Variants in AP2S1 observed in about 807,000 individuals in gnomAD.
AP2S1 encodes AP-2 complex subunit sigma.
AP2S1 carries 6 observed loss-of-function variants against 21.0 expected under a neutral mutation model. That is an observed-to-expected ratio of 0.29 (90% CI 0.16 to 0.56). The LOEUF is 0.56. AP2S1 is among the 20% of genes least tolerant of loss of function. The pLI is 0.92. For missense variants in AP2S1, 60 were observed against 186.2 expected, an observed-to-expected ratio of 0.32 and a Z score of 3.95; for synonymous variants, 63 against 74.6, an observed-to-expected ratio of 0.84 and a Z score of 0.80.
intron 2 of AP2S1, 84 bp from the exon 3 acceptor site, chr19:46,839,662 C>A: frequency 6.3e-7 from 1 of 1,597,214 alleles, no homozygotes; most frequent in Non-Finnish European, 8.5e-7. Context: ...TTCACTCCTT[C>A]ACTCCATACG....
Position 46,850,775 on chromosome 19 carries a change from C to T in AP2S1, c.-9G>A. The T allele has an allele frequency of 6.3e-7, 1 of 1,580,038 alleles. No individual in the cohort carries two copies. The highest frequency in any genetic ancestry group is 8.6e-7 in the Non-Finnish European group (1 of 1,162,010). ...CGCTCCCCCGTTACCATGGCGACCC[C>T]CGTCCAGACCCCAGCGGCCCCGGTC... On this transcript the variant is annotated 5_prime_UTR_variant, in exon 1 of 5. Transcript: ENST00000263270.
chr19:46,850,187 CCT>C, intron 1 of AP2S1: 3 of 1,232,466 alleles, frequency 2.4e-6, no homozygotes, highest in Non-Finnish European at 3.0e-6. Flanking sequence ...AGTTTCATTC[CCT>C]ACAGTTGCCT....
chr19:46,845,227 T>C (rs1478681537), intron 2 of AP2S1, among the ~76,000 whole-genome samples: 2 of 150,392 alleles, frequency 1.3e-5, no homozygotes, highest in African/African-American at 2.5e-5. Flanking sequence ...GCCAACATGG[T>C]GAAACCTCGT....
Position 46,838,557 on chromosome 19 carries a change from G to A in AP2S1, c.328-9C>T, listed in dbSNP as rs772355914. 2 of 1,614,148 alleles carry A rather than the reference G, an allele frequency of 1.2e-6. No individual in the cohort carries two copies. Among genetic ancestry groups the A allele is most frequent in the South Asian group, 1.1e-5 (1 of 91,080 alleles). ...TCCACGACCGTGTAAACCTGTGTGAGGGGAGACCCTGGGGTGAGACGAGGC... is the reference window on the plus strand; with the variant it reads ...TCCACGACCGTGTAAACCTGTGTGAAGGGAGACCCTGGGGTGAGACGAGGC... On this transcript the variant is annotated splice_polypyrimidine_tract_variant and intron_variant, in intron 4 of 4. Coordinates refer to ENST00000263270, the MANE Select transcript of AP2S1 (RefSeq NM_004069.6). The surrounding 1 kb of genome is among the most constrained non-coding windows in gnomAD (Gnocchi z 4.1).
At chr19:46,847,052 G>A (rs2055648305) in intron 1 of AP2S1, among the ~76,000 whole-genome samples, 1 of 152,078 alleles carries the variant, frequency 6.6e-6, no homozygotes, top group Non-Finnish European at 1.5e-5. Flanking sequence ...AACATTTGAG[G>A]TTCAGACTCC....
At chr19:46,842,731 C>T (rs755742071) in intron 2 of AP2S1, among the ~76,000 whole-genome samples, 1 of 152,206 alleles carries the variant, frequency 6.6e-6, no homozygotes, top group Non-Finnish European at 1.5e-5. Context: ...CTCCCCCTTC[C>T]CACCTGCTGC....
At chr19:46,847,506 C>T (rs920539350) in intron 1 of AP2S1, among the ~76,000 whole-genome samples, 1 of 152,138 alleles carries the variant, frequency 6.6e-6, no homozygotes, top group African/African-American at 2.4e-5. Context: ...TGAGCCACTG[C>T]ACCCCACCTA....
intron 2 of AP2S1, among the ~76,000 whole-genome samples, chr19:46,843,122 C>T (rs545437536): frequency 2.3e-4 from 35 of 152,276 alleles, no homozygotes; most frequent in South Asian, 1.2e-3. Context: ...CCATCCTACC[C>T]GGGGGCTCAA....
At chr19:46,840,582 G>A (rs1013408686) in intron 2 of AP2S1, among the ~76,000 whole-genome samples, 1 of 151,916 alleles carries the variant, frequency 6.6e-6, no homozygotes, top group Non-Finnish European at 1.5e-5. Flanking sequence ...CAAAGCTGCT[G>A]TGAGCCACGT....
At chr19:46,844,581 T>C (rs1168855119) in intron 2 of AP2S1, among the ~76,000 whole-genome samples, 2 of 151,594 alleles carry the variant, frequency 1.3e-5, no homozygotes, top group African/African-American at 4.9e-5. Context: ...GCAGATCACT[T>C]GAGCTCAAGA....
At chr19:46,845,753 A>T in intron 2 of AP2S1, 1 of 443,606 alleles carries the variant, frequency 2.3e-6, no homozygotes, top group Non-Finnish European at 4.0e-6. Context: ...TCTGGGTAGT[A>T]GGTATACGAA....
At chr19:46,839,286 C>CA (rs771792607) in intron 3 of AP2S1, among the ~76,000 whole-genome samples, 179 bp downstream of exon 3, 6,069 of 72,470 alleles carry the variant, frequency 0.084, 575 homozygotes, top group Non-Finnish European at 0.11. Flanking sequence ...GACTCCGTCT[C>CA]AAAAAAAAAA....
intron 1 of AP2S1, among the ~76,000 whole-genome samples, chr19:46,849,042 TCA>T (rs1222861594): frequency 1.9e-5 from 2 of 107,706 alleles, no homozygotes; most frequent in Admixed American, 1.3e-4. Context: ...AGACAGAGTC[TCA>T]CTCTGTCGCC....
chr19:46,840,820 C>T (rs1210896828), intron 2 of AP2S1, among the ~76,000 whole-genome samples: 3 of 148,204 alleles, frequency 2.0e-5, no homozygotes, highest in South Asian at 2.2e-4. Flanking sequence ...TGGGTTCAAG[C>T]GATTCTCCTG....
intron 2 of AP2S1, 82 bp downstream of exon 2, chr19:46,845,911 T>C: frequency 1.4e-5 from 22 of 1,583,284 alleles, no homozygotes; most frequent in Non-Finnish European, 1.9e-5. Context: ...CAAGGGGTTC[T>C]TGCAACTAGA....
chr19:46,839,798 G>T, intron 2 of AP2S1: 1 of 725,692 alleles, frequency 1.4e-6, no homozygotes, highest in Non-Finnish European at 2.2e-6. Flanking sequence ...TGGGCTGTGA[G>T]AGCCCAAAGA....
In AP2S1 at chr19:46,850,656, C is replaced by A. The variant is rs114501174; in HGVS notation, c.3+108G>T. 1.5e-3 allele frequency: 1,683 copies of A among 1,089,846 alleles called. 20 individuals carry two copies. In the African/African-American group the frequency reaches 0.022, roughly 14 times the overall value. The allele number at this position is 1,089,846 out of a possible 1,614,324, so 67.5% of individuals were successfully genotyped here. On this transcript the variant is annotated intron_variant, in intron 1 of 4. Transcript: ENST00000263270. Reference sequence around the variant, plus strand: ...CCAATCCCCAGAGCCCGCGCCTGACCCAGACCATCCGCGGCAGAGAAGGGA... The same window carrying A: ...CCAATCCCCAGAGCCCGCGCCTGACACAGACCATCCGCGGCAGAGAAGGGA...
intron 1 of AP2S1, among the ~76,000 whole-genome samples, chr19:46,846,748 C>T (rs533325481): frequency 4.0e-4 from 61 of 152,262 alleles, no homozygotes; most frequent in South Asian, 1.0e-3. Flanking sequence ...TCACTGCAAC[C>T]TCCGCCTCCC....
At chr19:46,847,100 T>C (rs1020014981) in intron 1 of AP2S1, among the ~76,000 whole-genome samples, 5 of 152,244 alleles carry the variant, frequency 3.3e-5, no homozygotes, top group African/African-American at 1.2e-4. Context: ...TCTTTTTTTC[T>C]CTTTGCTTCC....
Sources: allele counts gnomAD v4.1 joint callset (sites outside exome capture counted in the v4.1 genomes callset), GRCh38; gene constraint gnomAD v4.1.1; non-coding constraint Gnocchi (gnomAD v3.1); transcripts MANE v1.5; gene names NCBI Gene and HGNC (gene_info 2026-07-23, HGNC 2026-07-21).